The following NCAM1 variants were observed in gnomAD, a reference collection of about 807,000 sequenced individuals.
NCAM1 encodes neural cell adhesion molecule 1, also known as antigen recognized by monoclonal antibody 5.1H11.
A neutral mutation model predicts 109.8 loss-of-function variants in NCAM1; 14 were observed. That is an observed-to-expected ratio of 0.13 (90% CI 0.08 to 0.20). The LOEUF is 0.20. Among genes scored for constraint, NCAM1 ranks in the 10% least tolerant of loss-of-function variants. The pLI is 1.00. For synonymous variants in NCAM1, 418 were observed against 442.9 expected (o/e 0.94, Z 0.70); for missense variants, 774 against 1,109.9 (o/e 0.70, Z 4.30).
intron 1 of NCAM1, among the ~76,000 whole-genome samples, chr11:113,013,345 G>A (rs780237315): frequency 4.9e-5 from 7 of 143,104 alleles, no homozygotes; most frequent in Admixed American, 3.7e-4. Flanking sequence ...AGAATCCCTT[G>A]AACCCAGGAG....
chr11:113,171,684 C>G (rs191519840), intron 1 of NCAM1, among the ~76,000 whole-genome samples: 1 of 151,648 alleles, frequency 6.6e-6, no homozygotes, highest in East Asian at 1.9e-4. Context: ...GAAGAGATAA[C>G]TTATTGCCCT....
At chr11:113,102,445 A>G (rs1350550160) in intron 1 of NCAM1, among the ~76,000 whole-genome samples, 2 of 152,188 alleles carry the variant, frequency 1.3e-5, no homozygotes, top group Non-Finnish European at 2.9e-5. Flanking sequence ...GAGTGTCTTT[A>G]ATCAGTATTT....
chr11:112,972,226 T>C (rs1368371277), intron 1 of NCAM1, among the ~76,000 whole-genome samples: 1 of 151,898 alleles, frequency 6.6e-6, no homozygotes, highest in Middle Eastern at 3.2e-3. Context: ...GTTTGGGAGG[T>C]GAATGGAGGA....
chr11:113,232,057 A>ACCAGG (rs1389323312), intron 10 of NCAM1, 113 bp from the exon 11 acceptor site: 5 of 1,116,942 alleles, frequency 4.5e-6, no homozygotes, highest in Non-Finnish European at 6.3e-6. Context: ...CCTCTACTAT[A>ACCAGG]CCAGGCGCTG....
chr11:113,107,726 C>T (rs536011527), intron 1 of NCAM1, among the ~76,000 whole-genome samples: 149 of 152,226 alleles, frequency 9.8e-4, no homozygotes, highest in African/African-American at 3.4e-3. Context: ...CACTGGGTCC[C>T]TCCCACAATA....
At chr11:113,087,370 G>C (rs149310747) in intron 1 of NCAM1, among the ~76,000 whole-genome samples, 1 of 152,196 alleles carries the variant, frequency 6.6e-6, no homozygotes, top group Non-Finnish European at 1.5e-5. Context: ...AAAAGCAAAA[G>C]AGCCTAAAGT....
intron 1 of NCAM1, among the ~76,000 whole-genome samples, chr11:113,180,953 C>T (rs1249580750): frequency 5.3e-5 from 8 of 152,184 alleles, no homozygotes; most frequent in Non-Finnish European, 8.8e-5. Context: ...TTAAACGCTT[C>T]GGTGTTGATG....
intron 17 of NCAM1, among the ~76,000 whole-genome samples, chr11:113,268,320 C>T (rs1946183319): frequency 1.3e-5 from 2 of 152,222 alleles, no homozygotes; most frequent in South Asian, 4.1e-4. Flanking sequence ...CTTCCTGCTG[C>T]CAAAGCCCAG....
intron 1 of NCAM1, among the ~76,000 whole-genome samples, chr11:113,080,981 G>A (rs182889786): frequency 5.3e-5 from 8 of 152,272 alleles, no homozygotes; most frequent in East Asian, 1.9e-4. Context: ...TTTTAATTAA[G>A]TTGCCGTCTG....
chr11:113,189,463 A>AAG (rs1411164402), intron 1 of NCAM1, among the ~76,000 whole-genome samples: 2 of 150,588 alleles, frequency 1.3e-5, no homozygotes, highest in African/African-American at 2.5e-5. Flanking sequence ...AAAAAAAAAA[A>AAG]AAAAGAAAAG....
chr11:113,231,225 C>A (rs1555117131), intron 9 of NCAM1: 1 of 1,536,148 alleles, frequency 6.5e-7, no homozygotes. Context: ...GGCAAGTGGG[C>A]AGACAGAAAG....
chr11:113,168,148 C>T (rs1373538069), intron 1 of NCAM1, among the ~76,000 whole-genome samples: 1 of 152,136 alleles, frequency 6.6e-6, no homozygotes, highest in Non-Finnish European at 1.5e-5. Flanking sequence ...AATTCAAATC[C>T]ATTTGAAGGA....
At chr11:113,042,612 CTGGG>C (rs1953117387) in intron 1 of NCAM1, among the ~76,000 whole-genome samples, 1 of 152,198 alleles carries the variant, frequency 6.6e-6, no homozygotes, top group Non-Finnish European at 1.5e-5. Flanking sequence ...CAGTGCCTGC[CTGGG>C]AGTGCTTTGC....
intron 1 of NCAM1, among the ~76,000 whole-genome samples, chr11:113,181,264 C>T (rs1386013797): frequency 1.1e-4 from 16 of 152,134 alleles, no homozygotes; most frequent in African/African-American, 3.9e-4. Flanking sequence ...TCCAAGCTGC[C>T]CACTCTCAAG....
At chr11:113,065,418 A>C (rs879950614) in intron 1 of NCAM1, among the ~76,000 whole-genome samples, 6 of 152,130 alleles carry the variant, frequency 3.9e-5, no homozygotes, top group African/African-American at 7.2e-5. Flanking sequence ...GCAGCATAGA[A>C]AGGGGAGAAA....
At chr11:113,242,833 C>A in intron 14 of NCAM1, 2 of 1,614,000 alleles carry the variant, frequency 1.2e-6, no homozygotes, top group South Asian at 1.1e-5. Flanking sequence ...CCCTTGCAAC[C>A]ACAGAACCAG....
intron 8 of NCAM1, among the ~76,000 whole-genome samples, chr11:113,220,344 G>C (rs1295176578): frequency 6.6e-6 from 1 of 152,104 alleles, no homozygotes; most frequent in East Asian, 1.9e-4. Context: ...TGCTGTTAAG[G>C]ACTGGAGCCC....
At chr11:113,147,260 A>C (rs1027224975) in intron 1 of NCAM1, among the ~76,000 whole-genome samples, 3 of 152,222 alleles carry the variant, frequency 2.0e-5, no homozygotes, top group African/African-American at 7.2e-5. Context: ...AGTGTTCTTA[A>C]TGTAGATGTT....
chr11:112,991,010 G>A (rs1455156367), intron 1 of NCAM1, among the ~76,000 whole-genome samples: 1 of 152,160 alleles, frequency 6.6e-6, no homozygotes, highest in African/African-American at 2.4e-5. Context: ...TGGGAGCTAC[G>A]TGCATCTGTT....
Sources: gnomAD v4.1 joint callset for allele counts (sites outside exome capture counted in the v4.1 genomes callset) on GRCh38, gnomAD v4.1.1 for gene constraint, MANE v1.5 for transcripts, NCBI Gene and HGNC (gene_info 2026-07-23, HGNC 2026-07-21) for gene names.